Variants in CBLN2 observed in about 807,000 individuals in gnomAD.
CBLN2 encodes the protein cerebellin 2 precursor.
Under a neutral mutation model 15.0 loss-of-function variants are expected in CBLN2, and 7 were observed. That is an observed-to-expected ratio of 0.47 (90% confidence interval 0.27 to 0.88). CBLN2 has a LOEUF of 0.88. Ranked by LOEUF, CBLN2 falls within the 40% of genes least tolerant of loss-of-function variation. CBLN2 has a pLI of 0.14. For synonymous variants in CBLN2, 149 were observed against 135.2 expected (o/e 1.10, Z -0.71); for missense variants, 242 against 304.5 (o/e 0.79, Z 1.53).
chr18:72,553,477 TA>T (rs1477556752), intron 1 of CBLN2, among the ~76,000 whole-genome samples: 1 of 151,772 alleles, frequency 6.6e-6, no homozygotes, highest in Non-Finnish European at 1.5e-5. Flanking sequence ...GATAGATAGA[TA>T]GATAGATAGA....
chr18:72,578,971 G>A (rs1329223641), intron 1 of CBLN2, among the ~76,000 whole-genome samples: 2 of 152,142 alleles, frequency 1.3e-5, no homozygotes, highest in African/African-American at 2.4e-5. Context: ...CACAATCTGT[G>A]TCACTATCTC....
chr18:72,603,058 G>T (rs188145767), intron 1 of CBLN2, among the ~76,000 whole-genome samples: 6 of 152,294 alleles, frequency 3.9e-5, no homozygotes, highest in Non-Finnish European at 1.5e-5. Flanking sequence ...GGTCTTCAAG[G>T]CTCACTGAGA....
At chr18:72,626,767 A>G (rs892982438) in intron 1 of CBLN2, among the ~76,000 whole-genome samples, 3 of 152,166 alleles carry the variant, frequency 2.0e-5, no homozygotes, top group Non-Finnish European at 2.9e-5. Context: ...AAGGAAGACA[A>G]AACAACAAAT....
intron 1 of CBLN2, among the ~76,000 whole-genome samples, chr18:72,580,418 AC>A (rs2069395415): frequency 1.3e-5 from 2 of 152,150 alleles, no homozygotes; most frequent in Non-Finnish European, 2.9e-5. Context: ...AAGCCAGCAT[AC>A]CCTCAGAGGT....
chr18:72,620,841 A>G (rs986551315), intron 1 of CBLN2, among the ~76,000 whole-genome samples: 1 of 152,170 alleles, frequency 6.6e-6, no homozygotes, highest in Non-Finnish European at 1.5e-5. Context: ...TCTCTAGGAA[A>G]TCTGTCTTAA....
intron 1 of CBLN2, among the ~76,000 whole-genome samples, chr18:72,596,087 G>T (rs2069511966): frequency 1.3e-5 from 2 of 151,952 alleles, no homozygotes; most frequent in Non-Finnish European, 2.9e-5. Flanking sequence ...TTTACTGGTT[G>T]TTTTGTGGTC....
rs2069599439 is a variant in CBLN2 at position 72,608,470 on chromosome 18, T to C, written c.15+29855A>G. ...ACACTCAACAGGCACCTGGGTGCAC[T>C]TAAACCTTCATAAATTCAGTCTCAC... is the stretch of plus-strand genomic sequence containing the variant. On this transcript the variant is annotated intron_variant, in intron 1 of 2. Coordinates refer to the CBLN2 transcript ENST00000581073. Among the ~76,000 whole-genome samples the C allele has an allele frequency of 2.0e-5, 3 of 152,240 alleles. No individual in the cohort carries two copies. In the South Asian group the frequency reaches 6.2e-4, roughly 31 times the overall value.
At chr18:72,547,758 T>C (rs967052837), upstream of CBLN2, among the ~76,000 whole-genome samples, 3 of 152,148 alleles carry the variant, frequency 2.0e-5, no homozygotes, top group Non-Finnish European at 2.9e-5. Context: ...TATGAGGTGA[T>C]ATATCAATGT....
chr18:72,618,702 G>A (rs745965630), intron 1 of CBLN2: 13 of 727,268 alleles, frequency 1.8e-5, no homozygotes, highest in Non-Finnish European at 3.0e-5. Context: ...GCAAGAAAAG[G>A]CGCTTTGCCT....
At chr18:72,638,151 G>T (rs182044577) in intron 1 of CBLN2, among the ~76,000 whole-genome samples, 1 of 152,222 alleles carries the variant, frequency 6.6e-6, no homozygotes. Flanking sequence ...GTGGCTTCCA[G>T]TAAGTTCCAA....
intron 1 of CBLN2, among the ~76,000 whole-genome samples, chr18:72,585,010 G>T (rs143715377): frequency 2.0e-5 from 3 of 152,178 alleles, no homozygotes; most frequent in Non-Finnish European, 2.9e-5. Flanking sequence ...ACACCAGCTC[G>T]CTGCGATGCT....
At chr18:72,610,657 C>T (rs570079417) in intron 1 of CBLN2, among the ~76,000 whole-genome samples, 1 of 152,150 alleles carries the variant, frequency 6.6e-6, no homozygotes, top group Non-Finnish European at 1.5e-5. Flanking sequence ...CAATAAGGAG[C>T]ATCCCTCCTT....
intron 1 of CBLN2, among the ~76,000 whole-genome samples, chr18:72,576,415 A>T: frequency 6.6e-6 from 1 of 152,214 alleles, no homozygotes; most frequent in East Asian, 1.9e-4. Context: ...CCAATATTTA[A>T]AAAGTGTGCA....
intron 1 of CBLN2, among the ~76,000 whole-genome samples, chr18:72,601,363 T>C (rs980538145): frequency 6.6e-6 from 1 of 152,134 alleles, no homozygotes; most frequent in Admixed American, 6.5e-5. Context: ...TGTGTAAGAA[T>C]GTAGGATTCT....
At chr18:72,555,852 T>C (rs1385749842) in intron 1 of CBLN2, among the ~76,000 whole-genome samples, 1 of 152,148 alleles carries the variant, frequency 6.6e-6, no homozygotes, top group Non-Finnish European at 1.5e-5. Context: ...CCTGAACAAG[T>C]TCCCTCTGAG....
At position 72,625,808 on chromosome 18, in the gene CBLN2, CTCTCTCTCTCTATATATA is replaced by C. The variant is rs1429842195; in HGVS notation, c.15+12499_15+12516del. 5.6e-4 allele frequency among the ~76,000 whole-genome samples: 36 copies of C among 64,652 alleles called. No individual in the cohort carries two copies. In the Admixed American group the frequency reaches 6.0e-3, roughly 11 times the overall value. The allele number at this position is 64,652 out of a possible 152,430, so 42.4% of individuals were successfully genotyped here. A position where few individuals can be genotyped will look rare whatever the true frequency, so the allele number is the denominator to read the frequency against. On this transcript the variant is annotated intron_variant, in intron 1 of 2. Transcript: ENST00000581073. ...TATGACTCTCTCTCTCTCTCTCTCTCTCTCTCTCTCTATATATATATATATATATATATATAGTACACA... is the reference window on the plus strand; with the variant it reads ...TATGACTCTCTCTCTCTCTCTCTCTCTATATATATATATATATAGTACACA...
In CBLN2 at chr18:72,594,624, T is replaced by A. The variant is rs75609481; in HGVS notation, c.15+43701A>T. On this transcript the variant is annotated intron_variant, in intron 1 of 2. Transcript: ENST00000581073. ...GTAGGATAGGTACTAGTTCTTTAGA[T>A]GTTTGGTAAAATTCAGCAGTGAAGC... 5.6e-3 allele frequency among the ~76,000 whole-genome samples: 853 copies of A among 152,264 alleles called. 10 individuals carry two copies. The highest frequency in any genetic ancestry group is 0.019 in the African/African-American group (794 of 41,574).
intron 1 of CBLN2, among the ~76,000 whole-genome samples, chr18:72,617,584 T>C (rs1291945825): frequency 6.6e-6 from 1 of 152,208 alleles, no homozygotes; most frequent in Non-Finnish European, 1.5e-5. Context: ...ATTTTAAGTA[T>C]GTAGACATTT....
chr18:72,555,964 T>G (rs1416171777), intron 1 of CBLN2, among the ~76,000 whole-genome samples: 1 of 152,132 alleles, frequency 6.6e-6, no homozygotes. Flanking sequence ...GGCTCTGGGC[T>G]GGTGACAAAC....
Sources: gnomAD v4.1 joint callset for allele counts (sites outside exome capture counted in the v4.1 genomes callset) on GRCh38, gnomAD v4.1.1 for gene constraint, MANE v1.5 for transcripts, NCBI Gene and HGNC (gene_info 2026-07-23, HGNC 2026-07-21) for gene names.